The following LIPA variants were observed in gnomAD, a reference collection of about 807,000 sequenced individuals.
The protein encoded by LIPA is lysosomal acid lipase/cholesteryl ester hydrolase.
A neutral mutation model predicts 40.6 loss-of-function variants in LIPA; 26 were observed. The observed-to-expected ratio is 0.64, with a 90% CI of 0.47 to 0.89. The LOEUF (loss-of-function observed/expected upper bound fraction) is 0.89, where lower values mean the gene tolerates loss of function less well. Ranked by LOEUF, LIPA falls within the 40% of genes least tolerant of loss-of-function variation. The pLI is 0.00. For synonymous variants in LIPA, 188 were observed against 168.4 expected, an observed-to-expected ratio of 1.12 and a Z score of -0.90; for missense variants, 455 against 479.6, an observed-to-expected ratio of 0.95 and a Z score of 0.48.
chr10:89,216,115 T>C (rs1842623253), intron 8 of LIPA, 106 bp from the exon 9 acceptor site: 1 of 773,236 alleles, frequency 1.3e-6, no homozygotes, highest in Admixed American at 1.8e-5. Context: ...TTTATACCAA[T>C]ATCCAGATTT....
chr10:89,326,899 C>G (rs1202767975), intron 1 of LIPA, among the ~76,000 whole-genome samples: 1 of 152,156 alleles, frequency 6.6e-6, no homozygotes, highest in Admixed American at 6.5e-5. Context: ...TCAGGAGATC[C>G]TGAGAACATG....
chr10:89,277,015 G>A (rs1352294707), intron 1 of LIPA, among the ~76,000 whole-genome samples: 2 of 152,060 alleles, frequency 1.3e-5, no homozygotes, highest in Non-Finnish European at 2.9e-5. Context: ...CTCATCAGTT[G>A]GCTTCACTAA....
At chr10:89,390,247 A>G (rs944521095) in intron 2 of LIPA, among the ~76,000 whole-genome samples, 2 of 151,954 alleles carry the variant, frequency 1.3e-5, no homozygotes, top group African/African-American at 2.4e-5. Context: ...TGTCCTCCCA[A>G]AATGCTGGGA....
intron 1 of LIPA, among the ~76,000 whole-genome samples, chr10:89,294,098 G>T (rs1010187972): frequency 6.6e-6 from 1 of 152,202 alleles, no homozygotes; most frequent in Admixed American, 6.5e-5. Context: ...AATACTCCTA[G>T]TGTTCTAACA....
chr10:89,227,409 C>T (rs567402009), intron 4 of LIPA, among the ~76,000 whole-genome samples: 3 of 152,102 alleles, frequency 2.0e-5, no homozygotes, highest in Non-Finnish European at 4.4e-5. Flanking sequence ...TCCTGTTTTC[C>T]GTTGTTACAA....
chr10:89,234,330 T>C (rs995327031), intron 3 of LIPA, among the ~76,000 whole-genome samples: 5 of 152,168 alleles, frequency 3.3e-5, no homozygotes, highest in African/African-American at 9.7e-5. Flanking sequence ...AAGGACTTCA[T>C]GGGGTGCACA....
chr10:89,222,771 G>A (rs1842717205), intron 7 of LIPA, among the ~76,000 whole-genome samples, 189 bp from the exon 8 acceptor site: 1 of 152,132 alleles, frequency 6.6e-6, no homozygotes, highest in Admixed American at 6.5e-5. Context: ...CACATACAAA[G>A]TCCATATGAA....
chr10:89,215,674 G>T (rs917905418), intron 9 of LIPA, among the ~76,000 whole-genome samples: 6 of 152,196 alleles, frequency 3.9e-5, no homozygotes, highest in African/African-American at 1.4e-4. Flanking sequence ...GACTCTACAG[G>T]CTATGTTCGT....
intron 1 of LIPA, among the ~76,000 whole-genome samples, chr10:89,294,499 T>A (rs1843396943): frequency 6.6e-6 from 1 of 152,172 alleles, no homozygotes; most frequent in Admixed American, 6.5e-5. Flanking sequence ...ACTCCGTCCC[T>A]CAATAATGGC....
At chr10:89,360,247 C>G (rs1844014066) in intron 2 of LIPA, among the ~76,000 whole-genome samples, 1 of 152,140 alleles carries the variant, frequency 6.6e-6, no homozygotes, top group African/African-American at 2.4e-5. Context: ...TAACATTTCA[C>G]CCCAGAATGT....
chr10:89,388,565 C>T (rs144729077), intron 2 of LIPA, among the ~76,000 whole-genome samples: 6 of 152,068 alleles, frequency 3.9e-5, no homozygotes, highest in African/African-American at 7.2e-5. Context: ...AAAATATGTA[C>T]GTAAGATTTT....
At chr10:89,255,983 A>G (rs1412472977), upstream of LIPA, among the ~76,000 whole-genome samples, 7 of 152,246 alleles carry the variant, frequency 4.6e-5, no homozygotes, top group East Asian at 1.9e-4. Context: ...GTGTCATACC[A>G]TAGACCAGAA....
At chr10:89,361,012 G>A (rs1463060099) in intron 2 of LIPA, among the ~76,000 whole-genome samples, 1 of 152,068 alleles carries the variant, frequency 6.6e-6, no homozygotes, top group Non-Finnish European at 1.5e-5. Flanking sequence ...GCCTGACTCT[G>A]TCTCATTTCC....
intron 1 of LIPA, among the ~76,000 whole-genome samples, chr10:89,279,917 T>C (rs1843306617): frequency 6.6e-6 from 1 of 152,182 alleles, no homozygotes; most frequent in Non-Finnish European, 1.5e-5. Context: ...ATGCATCGTA[T>C]TGAAAAACCC....
At chr10:89,332,398 T>G in intron 1 of LIPA, 1 of 1,080,384 alleles carries the variant, frequency 9.3e-7, no homozygotes, top group Non-Finnish European at 1.3e-6. Context: ...CTGGAACATG[T>G]TCCTGGCGTG....
At chr10:89,352,092 A>G (rs1008415920) in intron 2 of LIPA, among the ~76,000 whole-genome samples, 6 of 152,198 alleles carry the variant, frequency 3.9e-5, no homozygotes, top group African/African-American at 1.2e-4. Flanking sequence ...CTAAGGAGTA[A>G]GCAGAAACCA....
chr10:89,283,267 C>T (rs75213094), intron 1 of LIPA, among the ~76,000 whole-genome samples: 1,678 of 152,266 alleles, frequency 0.011, 35 homozygotes, highest in African/African-American at 0.038. Flanking sequence ...CTGTACCTCA[C>T]TTCTGTTTTT....
intron 3 of LIPA, among the ~76,000 whole-genome samples, chr10:89,233,143 T>C (rs564758313): frequency 6.6e-6 from 1 of 152,350 alleles, no homozygotes; most frequent in East Asian, 1.9e-4. Context: ...TTTTGTTTGT[T>C]AGGGTTCTTC....
At chr10:89,283,707 T>C (rs1843327209) in intron 1 of LIPA, 1 of 152,242 alleles carries the variant, frequency 6.6e-6, no homozygotes, top group South Asian at 2.1e-4. Flanking sequence ...GTTATGTTGT[T>C]TGTACTTGCC....
Sources: allele counts gnomAD v4.1 joint callset (sites outside exome capture counted in the v4.1 genomes callset), GRCh38; gene constraint gnomAD v4.1.1; transcripts MANE v1.5; gene names NCBI Gene and HGNC (gene_info 2026-07-23, HGNC 2026-07-21).